Variants in DENND5B observed in about 807,000 individuals in gnomAD.
DENND5B encodes DENN domain-containing protein 5B.
Under a neutral mutation model 140.6 loss-of-function variants are expected in DENND5B, and 34 were observed. The ratio of observed to expected loss-of-function variants is 0.24; its 90% CI spans 0.18 to 0.32. DENND5B has a LOEUF of 0.32. Ranked by LOEUF, DENND5B falls within the 10% of genes least tolerant of loss-of-function variation. The pLI, the probability that DENND5B is intolerant of heterozygous loss-of-function variation, is 1.00. For missense variants in DENND5B, 1,142 were observed against 1,560.2 expected (o/e 0.73, Z 4.52); for synonymous variants, 551 against 562.1 (o/e 0.98, Z 0.28).
rs370508536 is a variant in DENND5B, at chr12:31,466,116, A to G, written c.905-5735T>C. ...GGCTCACGCCTGTAAGCACTTTGGGAGGCCAAGGCGGGCGGATCACAAGGT... is the reference window on the plus strand; with the variant it reads ...GGCTCACGCCTGTAAGCACTTTGGGGGGCCAAGGCGGGCGGATCACAAGGT... On this transcript the variant is annotated intron_variant, in intron 3 of 20. Transcript: ENST00000389082. Among the ~76,000 whole-genome samples, 27 of 152,340 alleles carry G rather than the reference A, an allele frequency of 1.8e-4. No homozygotes were observed. The East Asian group carries it at 5.0e-3, about 28-fold the overall frequency.
intron 2 of DENND5B, among the ~76,000 whole-genome samples, chr12:31,491,224 G>A (rs559872752): frequency 7.9e-5 from 12 of 152,160 alleles, no homozygotes; most frequent in South Asian, 4.2e-4. Flanking sequence ...AGGTCGAGGC[G>A]GGCAGATCAC....
chr12:31,482,666 A>C (rs1298124214), intron 2 of DENND5B, among the ~76,000 whole-genome samples: 3 of 151,612 alleles, frequency 2.0e-5, no homozygotes, highest in Non-Finnish European at 4.4e-5. Flanking sequence ...GCAGCCTCAA[A>C]CTCCTGGGTA....
At chr12:31,460,064 A>T in intron 4 of DENND5B, 130 bp downstream of exon 4, 4 of 870,874 alleles carry the variant, frequency 4.6e-6, no homozygotes, top group Non-Finnish European at 7.0e-6. Context: ...GCTCTCCCCT[A>T]GCCATACTTG....
At chr12:31,400,363 A>AT (rs77290669) in intron 15 of DENND5B, among the ~76,000 whole-genome samples, 1,723 of 152,290 alleles carry the variant, frequency 0.011, 19 homozygotes, top group East Asian at 0.031. Flanking sequence ...CTTTGAAGCT[A>AT]TTTTTTAAAA....
At chr12:31,455,249 C>T (rs1944716144) in intron 4 of DENND5B, among the ~76,000 whole-genome samples, 1 of 151,990 alleles carries the variant, frequency 6.6e-6, no homozygotes, top group African/African-American at 2.4e-5. Context: ...TTTTTCTATC[C>T]CTCTCCTCCT....
intron 9 of DENND5B, 147 bp downstream of exon 9, chr12:31,426,146 G>T: frequency 1.2e-6 from 1 of 854,624 alleles, no homozygotes; most frequent in Non-Finnish European, 1.7e-6. Context: ...CAATACCCGA[G>T]TAAAGAGCAC....
chr12:31,561,892 TCTCC>T (rs1565698110), intron 1 of DENND5B, among the ~76,000 whole-genome samples: 2 of 152,154 alleles, frequency 1.3e-5, no homozygotes, highest in African/African-American at 2.4e-5. Flanking sequence ...TCTGGAACTT[TCTCC>T]GTAAGTTTAA....
At chr12:31,493,962 T>C (rs1306945255) in intron 2 of DENND5B, among the ~76,000 whole-genome samples, 1 of 152,170 alleles carries the variant, frequency 6.6e-6, no homozygotes, top group African/African-American at 2.4e-5. Context: ...AATTCATTTC[T>C]ATATCTATCA....
chr12:31,393,812 C>T (rs891079696), intron 17 of DENND5B, among the ~76,000 whole-genome samples: 1 of 152,096 alleles, frequency 6.6e-6, no homozygotes, highest in Non-Finnish European at 1.5e-5. Context: ...CTCAGCCTCC[C>T]GTGTAGCTGG....
chr12:31,407,127 A>AATTT (rs1250688515), intron 14 of DENND5B, among the ~76,000 whole-genome samples: 1 of 150,872 alleles, frequency 6.6e-6, no homozygotes, highest in Middle Eastern at 3.4e-3. Context: ...TTAATTAATT[A>AATTT]ATTTATTTAT....
intron 5 of DENND5B, among the ~76,000 whole-genome samples, chr12:31,450,488 T>C (rs569591764): frequency 2.5e-4 from 38 of 152,154 alleles, no homozygotes; most frequent in Admixed American, 3.9e-4. Flanking sequence ...TCCAGAGTCA[T>C]TGGGACCAGA....
chr12:31,559,759 A>G (rs1332346393), intron 1 of DENND5B, among the ~76,000 whole-genome samples: 2 of 152,200 alleles, frequency 1.3e-5, no homozygotes, highest in Non-Finnish European at 2.9e-5. Context: ...AAGAAATAGA[A>G]TCAAGGCATT....
At chr12:31,483,731 C>T (rs1245721311) in intron 2 of DENND5B, among the ~76,000 whole-genome samples, 1 of 152,012 alleles carries the variant, frequency 6.6e-6, no homozygotes, top group African/African-American at 2.4e-5. Flanking sequence ...AGCCACTGAG[C>T]CTGGACCATC....
At chr12:31,575,828 C>T (rs889271133) in intron 1 of DENND5B, among the ~76,000 whole-genome samples, 1 of 151,930 alleles carries the variant, frequency 6.6e-6, no homozygotes, top group African/African-American at 2.4e-5. Context: ...TAGCAGGGCA[C>T]GGTGGTACAT....
Position 31,426,367 on chromosome 12 carries a change from C to A in DENND5B, c.2164G>T (p.Asp722Tyr). 2 of 1,612,346 alleles carry A rather than the reference C, an allele frequency of 1.2e-6. No homozygotes were observed. The highest frequency in any genetic ancestry group is 2.2e-5 in the South Asian group (2 of 90,718). Reference protein sequence around the residue: ...GKNLRQPKLSDLSPAVIAQTN... With the variant: ...GKNLRQPKLSYLSPAVIAQTN... ...TGTGCAATAACTGCAGGAGAGAGGT[C>A]TGACAGTTTGGGTTGCCTCAGGTTT... Residue 722 changes from aspartate (D) to tyrosine (Y), a missense_variant, in exon 9 of 21, where the codon GAC (aspartate) becomes TAC (tyrosine). Physicochemically the swap from Asp to Tyr is radical, Grantham distance 160. This residue lies in a region of DENND5B where 708 missense variants were observed against 905.5 expected (regional missense o/e 0.78). Transcript: ENST00000389082.
chr12:31,409,311 G>A lies in DENND5B; in HGVS notation c.2755C>T (p.Leu919Phe). 1 of 1,569,026 alleles carries A rather than the reference G, an allele frequency of 6.4e-7. No homozygotes were observed. Among genetic ancestry groups the A allele is most frequent in the Non-Finnish European group, 8.6e-7 (1 of 1,156,118 alleles). The change falls in exon 14 of 21, where the codon CTC becomes TTC. Residue 919 changes from leucine (L) to phenylalanine (F), a missense_variant. Physicochemically the swap from Leu to Phe is conservative, Grantham distance 22. This residue lies in a region of DENND5B where 268 missense variants were observed against 349.2 expected (regional missense o/e 0.77). Transcript: ENST00000389082. ...REQFLYHLLS[L>F]NAVDYFCFTS... ...AAGCAGAAATAGTCCACAGCATTGA[G>A]AGAAAGAAGGTGGTAAAGAAACTGC... is the stretch of plus-strand genomic sequence containing the variant.
intron 1 of DENND5B, among the ~76,000 whole-genome samples, chr12:31,585,343 G>A (rs1338685672): frequency 6.6e-6 from 1 of 152,192 alleles, no homozygotes; most frequent in African/African-American, 2.4e-5. Flanking sequence ...AGCCAAGGAT[G>A]TCAACAAAGC....
chr12:31,409,318 A>C lies in DENND5B; in HGVS notation c.2748T>G (p.Leu916=). ...EEEREQFLYH[L]LSLNAVDYFC... ...AATAGTCCACAGCATTGAGAGAAAG[A>C]AGGTGGTAAAGAAACTGCTCTCTTT... Residue 916 remains leucine, a synonymous_variant, in exon 14 of 21, where the codon CTT becomes CTG. Transcript: ENST00000389082. 1 of 1,568,382 alleles carries C rather than the reference A, an allele frequency of 6.4e-7. No homozygotes were observed. Among genetic ancestry groups the C allele is most frequent in the Non-Finnish European group, 8.7e-7 (1 of 1,155,656 alleles).
At chr12:31,477,894 TGAG>T in intron 3 of DENND5B, 1 of 226,866 alleles carries the variant, frequency 4.4e-6, no homozygotes, top group Non-Finnish European at 1.0e-5. Flanking sequence ...GATTTCCAAC[TGAG>T]GAGGACATGT....
Sources: allele counts gnomAD v4.1 joint callset (sites outside exome capture counted in the v4.1 genomes callset), GRCh38; gene constraint gnomAD v4.1.1; regional missense constraint gnomAD v4.1.1; transcripts MANE v1.5; gene names NCBI Gene and HGNC (gene_info 2026-07-23, HGNC 2026-07-21).